The following MYBPC3 variants were observed in gnomAD, a reference collection of about 807,000 sequenced individuals.
The protein encoded by MYBPC3 is myosin binding protein C3.
A neutral mutation model predicts 159.3 loss-of-function variants in MYBPC3; 108 were observed. That is an observed-to-expected ratio of 0.68 (90% CI 0.58 to 0.80). The LOEUF (loss-of-function observed/expected upper bound fraction) is 0.80, where lower values mean the gene tolerates loss of function less well. Ranked by LOEUF, MYBPC3 falls within the 30% of genes least tolerant of loss-of-function variation. MYBPC3 has a pLI of 0.00. For missense variants in MYBPC3, 1,631 were observed against 1,762.1 expected (o/e 0.93, Z 1.33); for synonymous variants, 730 against 702.0 (o/e 1.04, Z -0.63).
In MYBPC3 at chr11:47,332,795, A is replaced by C; in HGVS notation, c.3490+19T>G. 3 of 1,597,796 alleles carry C rather than the reference A, an allele frequency of 1.9e-6. No homozygotes were observed. In the South Asian group the frequency reaches 3.4e-5, roughly 18 times the overall value. ...CCTCCCTGCCCCAGCCCCTGGTTGG[A>C]AGAATGAGGGTACAGCACCTGGTCT... On this transcript the variant is annotated intron_variant, in intron 31 of 34. Coordinates refer to ENST00000545968, the MANE Select transcript of MYBPC3 (RefSeq NM_000256.3). This position sits in a 1 kb window ranked among gnomAD's most constrained non-coding sequence, Gnocchi z 4.2.
rs1444855902 is a variant in MYBPC3 at position 47,339,649 on chromosome 11, ACCTGCGTGATAG to A, written c.2057_2067+1del. The A allele has an allele frequency of 6.3e-7, 1 of 1,589,162 alleles. No individual in the cohort carries two copies. The highest frequency in any genetic ancestry group is 1.8e-5 in the Admixed American group (1 of 55,860). On this transcript the variant is annotated splice_donor_variant and coding_sequence_variant, in exon 21 of 35. Transcript: ENST00000545968. LOFTEE classifies it high-confidence loss of function. The stretch of plus-strand genomic sequence containing the variant: ...GGGAGACTGAGGAGGGACCCACAGT[ACCTGCGTGATAG>A]CCTTCTGCCAGATCACAGTGGGAGC...
At position 47,332,431 on chromosome 11, in the gene MYBPC3, G is replaced by C; in HGVS notation, c.3627+135C>G. ...AGAGTGAGTACCATGGCCCTGCCCAGGGGGAGGAACCCGGTCCATACACCC... is the reference window on the plus strand; with the variant it reads ...AGAGTGAGTACCATGGCCCTGCCCACGGGGAGGAACCCGGTCCATACACCC... On this transcript the variant is annotated intron_variant, in intron 32 of 34. Transcript: ENST00000545968. This position sits in a 1 kb window ranked among gnomAD's most constrained non-coding sequence, Gnocchi z 4.2. 4 of 1,447,876 alleles carry C rather than the reference G, an allele frequency of 2.8e-6. No homozygotes were observed. Among genetic ancestry groups the C allele is most frequent in the East Asian group, 2.3e-5 (1 of 43,202 alleles). 89.7% of individuals were successfully genotyped at this position (1,447,876 alleles called of 1,614,324 possible).
In MYBPC3 at chr11:47,346,919, G is replaced by A. The variant is rs1213809385; in HGVS notation, c.908+108C>T. 18 of 748,900 alleles carry A rather than the reference G, an allele frequency of 2.4e-5. No homozygotes were observed. The highest frequency in any genetic ancestry group is 3.9e-5 in the Non-Finnish European group (16 of 411,708). 46.4% of individuals were successfully genotyped at this position (748,900 alleles called of 1,614,324 possible). A position where few individuals can be genotyped will look rare whatever the true frequency, so the allele number is the denominator to read the frequency against. On this transcript the variant is annotated intron_variant, in intron 10 of 34. Coordinates refer to ENST00000545968, the MANE Select transcript of MYBPC3 (RefSeq NM_000256.3). This position sits in a 1 kb window ranked among gnomAD's most constrained non-coding sequence, Gnocchi z 5.3. ...GACTCACCCCTGTCCGTGGGGAGCC[G>A]CACCCTGCTCTGAGTCTCTCACCAC...
chr11:47,334,405 G>T (rs1287146320), intron 27 of MYBPC3, among the ~76,000 whole-genome samples: 4 of 152,206 alleles, frequency 2.6e-5, no homozygotes, highest in African/African-American at 9.7e-5. Flanking sequence ...AAGGAACAAA[G>T]GAATGGGAAG....
In MYBPC3 at chr11:47,333,639, G is replaced by C. The variant is rs747059136; in HGVS notation, c.3108C>G (p.Arg1036=). 1 of 1,608,442 alleles carries C rather than the reference G, an allele frequency of 6.2e-7. No homozygotes were observed. Among genetic ancestry groups the C allele is most frequent in the South Asian group, 1.1e-5 (1 of 91,088 alleles). The change falls in exon 29 of 35, where the codon CGC becomes CGG. Residue 1036 remains arginine (R), a synonymous_variant. Coordinates refer to ENST00000545968, the MANE Select transcript of MYBPC3 (RefSeq NM_000256.3). ...TDTILFIRAA[R]RVHSGTYQVT... The stretch of plus-strand genomic sequence containing the variant: ...CCTGGTAAGTGCCTGAATGCACGCG[G>C]CGAGCGGCCCGGATGAACAGGATGG...
rs730880698 is a variant in MYBPC3 at position 47,351,294 on chromosome 11, G to A, written c.237C>T (p.Tyr79=). ...REVGPADQGS[Y]AVIAGSSKVK... Reference sequence around the variant, plus strand: ...CCTTGGAGGAGCCAGCAATGACTGCGTAAGATCCCTGGTCGGCAGGGCCCA... The same window carrying A: ...CCTTGGAGGAGCCAGCAATGACTGCATAAGATCCCTGGTCGGCAGGGCCCA... The change falls in exon 2 of 35, where the codon TAC becomes TAT. Residue 79 remains tyrosine, a synonymous_variant. Transcript: ENST00000545968. The surrounding 1 kb of genome is among the most constrained non-coding windows in gnomAD (Gnocchi z 4.2). The A allele has an allele frequency of 1.7e-5, 26 of 1,570,630 alleles. No homozygotes were observed. In the Admixed American group the frequency reaches 1.7e-4, roughly 10 times the overall value.
intron 4 of MYBPC3, 39 bp downstream of exon 4, chr11:47,349,975 C>A: frequency 6.4e-7 from 1 of 1,562,862 alleles, no homozygotes; most frequent in Non-Finnish European, 8.7e-7. Context: ...GCTGCCCCCC[C>A]TTCCCACCCC....
intron 34 of MYBPC3, 59 bp downstream of exon 34, chr11:47,331,786 A>G (rs1426383337): frequency 6.6e-6 from 10 of 1,523,358 alleles, no homozygotes; most frequent in African/African-American, 5.5e-5. Context: ...TGGCTGCCCC[A>G]GGACCAAGGG....
chr11:47,339,188 A>T, intron 22 of MYBPC3, 136 bp downstream of exon 22: 1 of 916,390 alleles, frequency 1.1e-6, no homozygotes, highest in Non-Finnish European at 1.8e-6. Flanking sequence ...AGGGCCCCAC[A>T]GGGACCCTGC....
In MYBPC3 at chr11:47,346,917, C is replaced by T; in HGVS notation, c.908+110G>A. On this transcript the variant is annotated intron_variant, in intron 10 of 34. Coordinates refer to ENST00000545968, the MANE Select transcript of MYBPC3 (RefSeq NM_000256.3). The surrounding 1 kb of genome is among the most constrained non-coding windows in gnomAD (Gnocchi z 5.3). Reference sequence around the variant, plus strand: ...GAGACTCACCCCTGTCCGTGGGGAGCCGCACCCTGCTCTGAGTCTCTCACC... The same window carrying T: ...GAGACTCACCCCTGTCCGTGGGGAGTCGCACCCTGCTCTGAGTCTCTCACC... The T allele has an allele frequency of 2.7e-6, 2 of 746,412 alleles. No homozygotes were observed. The highest frequency in any genetic ancestry group is 2.5e-5 in the East Asian group (1 of 39,820). 46.2% of individuals were successfully genotyped at this position (746,412 alleles called of 1,614,324 possible). A position where few individuals can be genotyped will look rare whatever the true frequency, so the allele number is the denominator to read the frequency against.
At position 47,332,495 on chromosome 11, in the gene MYBPC3, G is replaced by A. The variant is rs1391583615; in HGVS notation, c.3627+71C>T. On this transcript the variant is annotated intron_variant, in intron 32 of 34. Transcript: ENST00000545968. The surrounding 1 kb of genome is among the most constrained non-coding windows in gnomAD (Gnocchi z 4.2). Reference sequence around the variant, plus strand: ...AAGCAGGGGAGACAGGCTGGGGAGAGGACTGCTCAACGTCGGGGCCTGTGA... The same window carrying A: ...AAGCAGGGGAGACAGGCTGGGGAGAAGACTGCTCAACGTCGGGGCCTGTGA... The A allele has an allele frequency of 3.2e-6, 5 of 1,557,690 alleles. No homozygotes were observed. Among genetic ancestry groups the A allele is most frequent in the Admixed American group, 1.8e-5 (1 of 54,398 alleles).
Position 47,332,211 on chromosome 11 carries a change from G to C in MYBPC3, c.3675C>G (p.Ala1225=). ...FKNGLDLGED[A]RFRMFSKQGV... Reference sequence around the variant, plus strand: ...CCTGCTTGCTGAACATGCGGAAGCGGGCGTCTTCTCCCAGGTCCAGGCCAT... The same window carrying C: ...CCTGCTTGCTGAACATGCGGAAGCGCGCGTCTTCTCCCAGGTCCAGGCCAT... Residue 1225 remains alanine (A), a synonymous_variant, in exon 33 of 35, where the codon GCC becomes GCG. Transcript: ENST00000545968. The surrounding 1 kb of genome is among the most constrained non-coding windows in gnomAD (Gnocchi z 4.2). The C allele has an allele frequency of 1.2e-6, 2 of 1,613,874 alleles. No homozygotes were observed. Among genetic ancestry groups the C allele is most frequent in the Non-Finnish European group, 8.5e-7 (1 of 1,179,904 alleles).
intron 19 of MYBPC3, 21 bp downstream of exon 19, chr11:47,341,117 C>A (rs748840054): frequency 1.9e-6 from 3 of 1,578,184 alleles, no homozygotes; most frequent in Non-Finnish European, 2.6e-6. Context: ...CCCGACCCAC[C>A]CTACCCTGGA....
At position 47,333,753 on chromosome 11, in the gene MYBPC3, C is replaced by T. The variant is rs730880584; in HGVS notation, c.2995-1G>A. 6.3e-7 allele frequency: 1 copy of T among 1,590,524 alleles called. No homozygotes were observed. The highest frequency in any genetic ancestry group is 1.7e-5 in the Admixed American group (1 of 58,942). ...AGGTCACCTGAGGCCGGGGCTTGCC[C>T]TGAGGGGAGGAAAAGCTTAACCCTG... On this transcript the variant is annotated splice_acceptor_variant, in intron 28 of 34. Coordinates refer to ENST00000545968, the MANE Select transcript of MYBPC3 (RefSeq NM_000256.3). LOFTEE classifies it high-confidence loss of function.
chr11:47,337,624 C>T (rs2095883825), intron 24 of MYBPC3, 45 bp from the exon 25 acceptor site: 1 of 1,612,394 alleles, frequency 6.2e-7, no homozygotes, highest in Non-Finnish European at 8.5e-7. Flanking sequence ...CCCAGGCATC[C>T]CCACACCACC....
In MYBPC3 at chr11:47,332,312, G is replaced by A. The variant is rs2095877989; in HGVS notation, c.3628-54C>T. The A allele has an allele frequency of 6.3e-7, 1 of 1,581,950 alleles. No homozygotes were observed. On this transcript the variant is annotated intron_variant, in intron 32 of 34. Transcript: ENST00000545968. The surrounding 1 kb of genome is among the most constrained non-coding windows in gnomAD (Gnocchi z 4.2). ...AGCCATCCAGGCTGAGAGGGGACCTGGCAGGGACCCAGGGAGACACATCTG... is the reference window on the plus strand; with the variant it reads ...AGCCATCCAGGCTGAGAGGGGACCTAGCAGGGACCCAGGGAGACACATCTG...
At position 47,337,810 on chromosome 11, in the gene MYBPC3, T is replaced by G. The variant is rs1454822762; in HGVS notation, c.2309-16A>C. On this transcript the variant is annotated splice_polypyrimidine_tract_variant and intron_variant, in intron 23 of 34. Coordinates refer to ENST00000545968, the MANE Select transcript of MYBPC3 (RefSeq NM_000256.3). ...TCTGGCACGTCTGGATGGGGTGGGA[T>G]GGACCCACATCAGCCCTGCCCCGCT... 4 of 1,548,442 alleles carry G rather than the reference T, an allele frequency of 2.6e-6. No homozygotes were observed. The highest frequency in any genetic ancestry group is 1.7e-6 in the Non-Finnish European group (2 of 1,145,748).
At position 47,332,612 on chromosome 11, in the gene MYBPC3, G is replaced by A. The variant is rs730880594; in HGVS notation, c.3581C>T (p.Ala1194Val). The change falls in exon 32 of 35, where the codon GCG becomes GTG. Residue 1194 changes from alanine to valine, a missense_variant. Coordinates refer to ENST00000545968, the MANE Select transcript of MYBPC3 (RefSeq NM_000256.3). This position sits in a 1 kb window ranked among gnomAD's most constrained non-coding sequence, Gnocchi z 4.2. The stretch of plus-strand genomic sequence containing the variant: ...ACAGCAGAGCATAGCAGTGTAGCCC[G>A]CGATGACCGAGCGGTTCACCAGGGG... ...TQPLVNRSVI[A>V]GYTAMLCCAV... is the part of the protein sequence containing the mutation. 2.5e-5 allele frequency: 41 copies of A among 1,613,776 alleles called. 1 individual carries two copies. The Admixed American group carries it at 4.8e-4, about 19-fold the overall frequency.
chr11:47,336,469 G>C (rs2095882345), intron 25 of MYBPC3: 1 of 128,988 alleles, frequency 7.8e-6, no homozygotes, highest in Non-Finnish European at 1.5e-5. Context: ...CAGTCTGGGT[G>C]ACAGAGCGAG....
Sources: allele counts gnomAD v4.1 joint callset (sites outside exome capture counted in the v4.1 genomes callset), GRCh38; gene constraint gnomAD v4.1.1; non-coding constraint Gnocchi (gnomAD v3.1); transcripts MANE v1.5; gene names NCBI Gene and HGNC (gene_info 2026-07-23, HGNC 2026-07-21).